The following PTPRG variants were observed in gnomAD, a reference collection of about 807,000 sequenced individuals.
PTPRG encodes the protein receptor-type tyrosine-protein phosphatase gamma.
A neutral mutation model predicts 165.3 loss-of-function variants in PTPRG; 102 were observed. The observed-to-expected ratio is 0.62, with a 90% CI of 0.53 to 0.73. The LOEUF (loss-of-function observed/expected upper bound fraction) is 0.73. Ranked by LOEUF, PTPRG falls within the 30% of genes least tolerant of loss-of-function variation. The pLI, the probability that PTPRG is intolerant of heterozygous loss-of-function variation, is 0.00. For synonymous variants in PTPRG, 675 were observed against 669.5 expected (o/e 1.01, Z -0.13); for missense variants, 1,866 against 1,861.4 (o/e 1.00, Z -0.05).
intron 1 of PTPRG, among the ~76,000 whole-genome samples, chr3:61,595,419 T>G (rs1039169971): frequency 6.6e-6 from 1 of 152,228 alleles, no homozygotes; most frequent in African/African-American, 2.4e-5. Context: ...GAATGTGTCC[T>G]CAAAGTTTGT....
intron 4 of PTPRG, among the ~76,000 whole-genome samples, chr3:62,075,472 G>A (rs746209622): frequency 6.6e-5 from 10 of 152,226 alleles, no homozygotes; most frequent in African/African-American, 1.2e-4. Context: ...TGTCCAAACC[G>A]TAAGGCAACA....
intron 2 of PTPRG, among the ~76,000 whole-genome samples, chr3:61,961,475 G>A (rs1358678798): frequency 6.6e-6 from 1 of 152,162 alleles, no homozygotes; most frequent in African/African-American, 2.4e-5. Flanking sequence ...TCAGATTGAT[G>A]TCTGTTTTCT....
intron 4 of PTPRG, 29 bp from the exon 5 acceptor site, chr3:62,078,134 C>G (rs766048905): frequency 6.9e-7 from 1 of 1,445,920 alleles, no homozygotes; most frequent in Non-Finnish European, 9.6e-7. Context: ...GAAAATTTTC[C>G]TAATACATTT....
At chr3:62,231,384 G>A (rs1700898874) in intron 14 of PTPRG, 73 bp downstream of exon 14, 3 of 1,298,714 alleles carry the variant, frequency 2.3e-6, no homozygotes, top group Non-Finnish European at 2.1e-6. Context: ...TTGTTTTGTT[G>A]CCATGGGGAT....
chr3:62,145,157 G>T (rs1241743874), intron 6 of PTPRG, among the ~76,000 whole-genome samples: 4 of 152,120 alleles, frequency 2.6e-5, no homozygotes, highest in African/African-American at 9.7e-5. Context: ...TTGCGTAGTG[G>T]GTTTGAAATC....
intron 1 of PTPRG, among the ~76,000 whole-genome samples, chr3:61,743,259 C>T (rs1232365953): frequency 6.6e-6 from 1 of 152,188 alleles, no homozygotes; most frequent in Admixed American, 6.5e-5. Flanking sequence ...GTCACTCATT[C>T]AGCTCTCTGC....
chr3:62,275,994 A>G (rs1364249333), intron 24 of PTPRG, 28 bp downstream of exon 24: 3 of 1,514,118 alleles, frequency 2.0e-6, no homozygotes, highest in Non-Finnish European at 2.7e-6. Context: ...TTTGTTAGTG[A>G]TCTTTTATAC....
In PTPRG at chr3:62,243,913, G is replaced by A. The variant is rs776192912; in HGVS notation, c.2467+15G>A. 9.4e-6 allele frequency: 13 copies of A among 1,377,872 alleles called. No individual in the cohort carries two copies. Among genetic ancestry groups the A allele is most frequent in the Non-Finnish European group, 1.3e-5 (13 of 977,752 alleles). The allele number at this position is 1,377,872 out of a possible 1,614,324, so 85.4% of individuals were successfully genotyped here. On this transcript the variant is annotated intron_variant, in intron 15 of 29. Transcript: ENST00000474889. ...TCCTATTCCGGGTAAGTAAGACACT[G>A]CTCTTATTTCCAATGGGCTAATTGT... is the stretch of plus-strand genomic sequence containing the variant.
At chr3:61,730,791 T>G (rs2106833148) in intron 1 of PTPRG, among the ~76,000 whole-genome samples, 1 of 152,334 alleles carries the variant, frequency 6.6e-6, no homozygotes, top group Non-Finnish European at 1.5e-5. Context: ...TTTTGTTCAC[T>G]TATCACATTA....
chr3:61,727,860 C>T (rs571312141), intron 1 of PTPRG, among the ~76,000 whole-genome samples: 33 of 152,266 alleles, frequency 2.2e-4, no homozygotes, highest in Non-Finnish European at 4.3e-4. Context: ...CAGCAGTTTG[C>T]GAAGCTTCTT....
intron 6 of PTPRG, 63 bp from the exon 7 acceptor site, chr3:62,157,004 G>T: frequency 6.9e-7 from 1 of 1,444,792 alleles, no homozygotes; most frequent in Non-Finnish European, 9.7e-7. Flanking sequence ...TGTTGACTGT[G>T]TCTGCGGCTC....
intron 2 of PTPRG, among the ~76,000 whole-genome samples, chr3:61,849,952 A>G (rs897033632): frequency 1.3e-5 from 2 of 152,154 alleles, no homozygotes; most frequent in African/African-American, 4.8e-5. Flanking sequence ...TAATTATTCT[A>G]AGCAATACAT....
chr3:62,005,062 A>G (rs973756941), intron 4 of PTPRG, among the ~76,000 whole-genome samples: 26 of 152,182 alleles, frequency 1.7e-4, no homozygotes, highest in African/African-American at 5.3e-4. Flanking sequence ...TTATATGGCC[A>G]TGTATATTTG....
At chr3:61,907,144 C>T (rs1030798811) in intron 2 of PTPRG, among the ~76,000 whole-genome samples, 3 of 147,852 alleles carry the variant, frequency 2.0e-5, no homozygotes, top group Non-Finnish European at 4.5e-5. Flanking sequence ...TCCCCCACCC[C>T]TTTTTTTTTT....
chr3:61,742,819 T>G, intron 1 of PTPRG: 2 of 1,604,924 alleles, frequency 1.2e-6, no homozygotes, highest in Non-Finnish European at 1.7e-6. Flanking sequence ...GACCAGTTTT[T>G]TATTCTTTTT....
intron 1 of PTPRG, among the ~76,000 whole-genome samples, chr3:61,568,704 T>A (rs1365724714): frequency 1.3e-5 from 2 of 152,024 alleles, no homozygotes; most frequent in East Asian, 3.9e-4. Flanking sequence ...GGTCAAGAGA[T>A]TGAGACCATC....
chr3:62,170,799 G>C (rs1198842726), intron 8 of PTPRG, among the ~76,000 whole-genome samples: 1 of 152,008 alleles, frequency 6.6e-6, no homozygotes, highest in East Asian at 1.9e-4. Context: ...TTATTGGAGA[G>C]CTACACGTAC....
At chr3:61,998,962 G>C (rs897414408) in intron 3 of PTPRG, among the ~76,000 whole-genome samples, 16 of 152,162 alleles carry the variant, frequency 1.1e-4, no homozygotes, top group African/African-American at 3.9e-4. Flanking sequence ...AGCAGATTCA[G>C]TATCTGGTGA....
chr3:61,718,164 A>G (rs953877750), intron 1 of PTPRG, among the ~76,000 whole-genome samples: 7 of 151,144 alleles, frequency 4.6e-5, no homozygotes, highest in Admixed American at 4.0e-4. Flanking sequence ...TGGGTGACTG[A>G]GCAAGACCCT....
Sources: gnomAD v4.1 joint callset for allele counts (sites outside exome capture counted in the v4.1 genomes callset) on GRCh38, gnomAD v4.1.1 for gene constraint, MANE v1.5 for transcripts, NCBI Gene and HGNC (gene_info 2026-07-23, HGNC 2026-07-21) for gene names.